Variants in ARFGEF2 observed in about 807,000 individuals in gnomAD.
The protein encoded by ARFGEF2 is brefeldin A-inhibited guanine nucleotide-exchange protein 2.
ARFGEF2 carries 74 observed loss-of-function variants against 219.9 expected under a neutral mutation model. The ratio of observed to expected loss-of-function variants is 0.34; its 90% CI spans 0.28 to 0.41. The LOEUF (loss-of-function observed/expected upper bound fraction) is 0.41. Ranked by LOEUF, ARFGEF2 falls within the 10% of genes least tolerant of loss-of-function variation. ARFGEF2 has a pLI of 1.00. For missense variants in ARFGEF2, 1,743 were observed against 2,218.3 expected (o/e 0.79, Z 4.30); for synonymous variants, 733 against 799.2 (o/e 0.92, Z 1.40).
chr20:48,987,558 C>T (rs901960075), intron 16 of ARFGEF2, among the ~76,000 whole-genome samples: 10 of 152,116 alleles, frequency 6.6e-5, no homozygotes, highest in Admixed American at 5.2e-4. Context: ...ATGTCTAGCA[C>T]AGTACATGGC....
chr20:49,023,843 T>C (rs1017794122), intron 35 of ARFGEF2, among the ~76,000 whole-genome samples: 42 of 152,060 alleles, frequency 2.8e-4, no homozygotes, highest in African/African-American at 8.9e-4. Flanking sequence ...CGGCCTGATA[T>C]ACAGTTTAAT....
chr20:48,975,868 G>T, intron 13 of ARFGEF2, 148 bp from the exon 14 acceptor site: 5 of 678,322 alleles, frequency 7.4e-6, no homozygotes, highest in Admixed American at 2.4e-5. Flanking sequence ...GTATCTGAAT[G>T]ATACTAAGGT....
rs769401723 is a variant in ARFGEF2, at chr20:48,921,739, G to A, written c.-151G>A. On this transcript the variant is annotated 5_prime_UTR_variant, in exon 1 of 39. Coordinates refer to ENST00000371917, the MANE Select transcript of ARFGEF2 (RefSeq NM_006420.3). Reference sequence around the variant, plus strand: ...TGGTCACGTGACGCGCTCCAACATGGCGGCGCCGTGGGGCCGAGGTGTCGC... The same window carrying A: ...TGGTCACGTGACGCGCTCCAACATGACGGCGCCGTGGGGCCGAGGTGTCGC... 1.3e-6 allele frequency: 1 copy of A among 790,042 alleles called. No homozygotes were observed. The highest frequency in any genetic ancestry group is 6.2e-5 in the South Asian group (1 of 16,240). The allele number at this position is 790,042 out of a possible 1,614,324, so 48.9% of individuals were successfully genotyped here.
At chr20:48,931,040 A>G (rs752465878) in intron 1 of ARFGEF2, among the ~76,000 whole-genome samples, 3 of 152,194 alleles carry the variant, frequency 2.0e-5, no homozygotes, top group Non-Finnish European at 4.4e-5. Flanking sequence ...GACTGGAAAA[A>G]TGCCCATCAG....
At chr20:48,984,953 C>A in intron 15 of ARFGEF2, 113 bp downstream of exon 15, 1 of 1,562,680 alleles carries the variant, frequency 6.4e-7, no homozygotes, top group Middle Eastern at 2.3e-4. Context: ...GTTGTCCACC[C>A]CCGGGTTATA....
Position 49,018,914 on chromosome 20 carries a change from A to G in ARFGEF2, c.4540A>G (p.Ser1514Gly), listed in dbSNP as rs2091547063. ...DVDLDRQSLS[S>G]IDKNPSERGQ... is the part of the protein sequence containing the mutation. Reference sequence around the variant, plus strand: ...GGATCTGGACCGCCAGTCTTTAAGCAGCATAGATAAAAATCCCTCTGAGAG... The same window carrying G: ...GGATCTGGACCGCCAGTCTTTAAGCGGCATAGATAAAAATCCCTCTGAGAG... Residue 1514 changes from serine to glycine, a missense_variant, in exon 34 of 39, where the codon AGC (serine) becomes GGC (glycine). This residue lies in a region of ARFGEF2 where 578 missense variants were observed against 664.0 expected (regional missense o/e 0.87). Coordinates refer to ENST00000371917, the MANE Select transcript of ARFGEF2 (RefSeq NM_006420.3). 6.2e-7 allele frequency: 1 copy of G among 1,614,078 alleles called. No individual in the cohort carries two copies. Among genetic ancestry groups the G allele is most frequent in the East Asian group, 2.2e-5 (1 of 44,880 alleles).
At chr20:49,009,703 A>G (rs892734234) in intron 26 of ARFGEF2, among the ~76,000 whole-genome samples, 2 of 152,240 alleles carry the variant, frequency 1.3e-5, no homozygotes, top group African/African-American at 2.4e-5. Flanking sequence ...CTTAAACTAT[A>G]TATGTATACT....
chr20:49,031,496 TG>T (rs1192748879), intron 37 of ARFGEF2, among the ~76,000 whole-genome samples: 1 of 152,180 alleles, frequency 6.6e-6, no homozygotes, highest in African/African-American at 2.4e-5. Flanking sequence ...CCCAGAGTGC[TG>T]GGATTATAGG....
chr20:49,023,104 A>G lies in ARFGEF2; in HGVS notation c.4678A>G (p.Ile1560Val). Residue 1560 changes from isoleucine to valine, a missense_variant, in exon 35 of 39, where the codon ATA becomes GTA. By Grantham distance (29) the Ile-to-Val change is conservative. Around this residue, in one of 5 missense-constraint regions of ARFGEF2, gnomAD observed 578 missense variants for 664.0 expected, o/e 0.87. Transcript: ENST00000371917. ...LIKCVVQLEL[I>V]QTIDNIVFYP... ...CAAGTGTGTGGTCCAGTTGGAATTG[A>G]TACAGACCATTGACAACATTGTGTT... 1 of 1,614,224 alleles carries G rather than the reference A, an allele frequency of 6.2e-7. No individual in the cohort carries two copies.
intron 37 of ARFGEF2, 120 bp from the exon 38 acceptor site, chr20:49,031,929 A>G (rs958033051): frequency 2.1e-5 from 18 of 846,344 alleles, no homozygotes; most frequent in Non-Finnish European, 3.3e-5. Flanking sequence ...AAAAAAAAAA[A>G]GTAATTAAAA....
chr20:48,970,069 C>T (rs761514104), intron 9 of ARFGEF2, among the ~76,000 whole-genome samples: 3 of 152,196 alleles, frequency 2.0e-5, no homozygotes, highest in African/African-American at 7.2e-5. Flanking sequence ...AATCCCAGCA[C>T]TCTGGGAGGC....
chr20:48,951,200 T>C (rs1388241832), intron 3 of ARFGEF2, 123 bp from the exon 4 acceptor site: 2 of 1,220,722 alleles, frequency 1.6e-6, no homozygotes, highest in Admixed American at 2.0e-5. Flanking sequence ...CCTGCCTGGC[T>C]CCTGGGGAGC....
intron 1 of ARFGEF2, among the ~76,000 whole-genome samples, chr20:48,936,309 C>G (rs1170160049): frequency 6.8e-6 from 1 of 147,142 alleles, no homozygotes; most frequent in Non-Finnish European, 1.5e-5. Context: ...TGACCCCCCC[C>G]ACCTCCCTCC....
rs59420813 is a variant in ARFGEF2 at position 49,016,545 on chromosome 20, C to T, written c.4315+130C>T. On this transcript the variant is annotated intron_variant, in intron 31 of 38. Transcript: ENST00000371917. ...TATAATTTAGTTGGTGAAATGTATA[C>T]GTTTTAATTACAGTATAAAAAACAG... The T allele has an allele frequency of 0.012, 13,084 of 1,048,866 alleles. 742 individuals are homozygous for T. The African/African-American group carries it at 0.15, about 12-fold the overall frequency. 65.0% of individuals were successfully genotyped at this position (1,048,866 alleles called of 1,614,324 possible). A position where few individuals can be genotyped will look rare whatever the true frequency, so the allele number is the denominator to read the frequency against.
chr20:48,998,295 C>G (rs1360669113), intron 24 of ARFGEF2, 41 bp from the exon 25 acceptor site: 2 of 1,614,152 alleles, frequency 1.2e-6, no homozygotes, highest in Admixed American at 3.3e-5. Context: ...TCTGACTGTT[C>G]CTAACGAGGC....
chr20:49,010,395 C>T lies in ARFGEF2; in HGVS notation c.3748C>T (p.His1250Tyr). Residue 1250 changes from histidine (H) to tyrosine (Y), a missense_variant, in exon 27 of 39, where the codon CAC (histidine) becomes TAC (tyrosine). Physicochemically the swap from His to Tyr is moderately conservative, Grantham distance 83. Coordinates refer to ENST00000371917, the MANE Select transcript of ARFGEF2 (RefSeq NM_006420.3). ...IVELAFQTTC[H>Y]IVTTIFQHHF... is the part of the protein sequence containing the mutation. Reference sequence around the variant, plus strand: ...GGAGCTGGCCTTCCAGACCACTTGCCACATTGTCAGTAAGTGGCTCTGTTC... The same window carrying T: ...GGAGCTGGCCTTCCAGACCACTTGCTACATTGTCAGTAAGTGGCTCTGTTC... 1.2e-6 allele frequency: 2 copies of T among 1,613,906 alleles called. No individual in the cohort carries two copies. Among genetic ancestry groups the T allele is most frequent in the Non-Finnish European group, 8.5e-7 (1 of 1,180,030 alleles).
At chr20:48,937,861 T>A (rs576452826) in intron 1 of ARFGEF2, among the ~76,000 whole-genome samples, 1 of 152,154 alleles carries the variant, frequency 6.6e-6, no homozygotes, top group African/African-American at 2.4e-5. Flanking sequence ...AAACAGACTT[T>A]GGAGATTTCA....
At position 49,016,338 on chromosome 20, in the gene ARFGEF2, T is replaced by C; in HGVS notation, c.4238T>C (p.Phe1413Ser). 1 of 1,614,076 alleles carries C rather than the reference T, an allele frequency of 6.2e-7. No homozygotes were observed. The highest frequency in any genetic ancestry group is 1.1e-5 in the South Asian group (1 of 91,084). Residue 1413 changes from phenylalanine (F) to serine (S), a missense_variant, in exon 31 of 39, where the codon TTT becomes TCT. Phe to Ser is a radical substitution (Grantham distance 155). Coordinates refer to ENST00000371917, the MANE Select transcript of ARFGEF2 (RefSeq NM_006420.3). ...NHALYAICDV[F>S]TQFYEALNEV... ...GCACTTTATGCTATTTGTGATGTTT[T>C]TACCCAGTTTTATGAAGCTTTGAAT...
chr20:49,022,437 A>C (rs748867863), intron 34 of ARFGEF2, among the ~76,000 whole-genome samples: 32,474 of 144,180 alleles, frequency 0.23, 3,639 homozygotes, highest in Non-Finnish European at 0.25. Context: ...AACAAAAAAA[A>C]AAAACCCACA....
Sources: gnomAD v4.1 joint callset for allele counts (sites outside exome capture counted in the v4.1 genomes callset) on GRCh38, gnomAD v4.1.1 for gene constraint, gnomAD v4.1.1 regional missense constraint, MANE v1.5 for transcripts, NCBI Gene and HGNC (gene_info 2026-07-23, HGNC 2026-07-21) for gene names.